PITPNM2: variants seen among roughly 807,000 people sequenced by gnomAD.
The protein encoded by PITPNM2 is phosphatidylinositol transfer protein membrane associated 2, also known as membrane-associated phosphatidylinositol transfer protein 2.
In PITPNM2, 35 loss-of-function variants were observed where a neutral mutation model predicts 132.2. The ratio of observed to expected loss-of-function variants is 0.26; its 90% CI spans 0.20 to 0.35. The LOEUF (loss-of-function observed/expected upper bound fraction) is 0.35. PITPNM2 is among the 10% of genes least tolerant of loss of function. The pLI, the probability that PITPNM2 is intolerant of heterozygous loss-of-function variation, is 1.00. For synonymous variants in PITPNM2, 738 were observed against 799.2 expected (o/e 0.92, Z 1.29); for missense variants, 1,332 against 1,912.0 (o/e 0.70, Z 5.66).
In PITPNM2 at chr12:123,131,198, A is replaced by T. The variant is rs547801319; in HGVS notation, c.-200+19555T>A. On this transcript the variant is annotated intron_variant, in intron 1 of 25. Coordinates refer to ENST00000320201, the MANE Select transcript of PITPNM2 (RefSeq NM_020845.3). Reference sequence around the variant, plus strand: ...ACTGCAGATGTCATTAGTTAAGGTGAGGTTGCACTGGAGTAGAGTGAGCCC... The same window carrying T: ...ACTGCAGATGTCATTAGTTAAGGTGTGGTTGCACTGGAGTAGAGTGAGCCC... Among the ~76,000 whole-genome samples, 403 of 152,312 alleles carry T rather than the reference A, an allele frequency of 2.6e-3. 5 individuals are homozygous for T. Among genetic ancestry groups the T allele is most frequent in the African/African-American group, 8.9e-3 (369 of 41,568 alleles).
At chr12:123,026,052 A>G (rs2039852962) in intron 3 of PITPNM2, among the ~76,000 whole-genome samples, 1 of 152,170 alleles carries the variant, frequency 6.6e-6, no homozygotes, top group Non-Finnish European at 1.5e-5. Flanking sequence ...CAAGGAAAAG[A>G]CCTCAGCATA....
At chr12:123,073,421 A>T (rs1024608843) in intron 2 of PITPNM2, among the ~76,000 whole-genome samples, 1 of 152,056 alleles carries the variant, frequency 6.6e-6, no homozygotes, top group African/African-American at 2.4e-5. Flanking sequence ...GTCTCTAACA[A>T]CAGCCTACCA....
chr12:123,127,372 T>C (rs2043160809), intron 1 of PITPNM2, among the ~76,000 whole-genome samples: 1 of 152,200 alleles, frequency 6.6e-6, no homozygotes, highest in Non-Finnish European at 1.5e-5. Flanking sequence ...GGCGTGTTGA[T>C]GCCCAAGCAA....
chr12:123,148,042 C>A (rs561557762), intron 1 of PITPNM2, among the ~76,000 whole-genome samples: 1 of 152,094 alleles, frequency 6.6e-6, no homozygotes, highest in Admixed American at 6.6e-5. Flanking sequence ...CTGTAAGAAG[C>A]CTTTAGAAAG....
intron 16 of PITPNM2, 128 bp from the exon 17 acceptor site, chr12:122,990,837 C>T: frequency 9.6e-7 from 1 of 1,037,102 alleles, no homozygotes; most frequent in Non-Finnish European, 1.4e-6. Flanking sequence ...TGTGCCAGAG[C>T]CACCTGCTCA....
chr12:122,988,507 C>T (rs945092764), intron 19 of PITPNM2, among the ~76,000 whole-genome samples, 157 bp from the exon 20 acceptor site: 13 of 152,138 alleles, frequency 8.5e-5, no homozygotes, highest in African/African-American at 2.9e-4. Context: ...CCTCAGACCC[C>T]TGTTCGTTCA....
intron 8 of PITPNM2, among the ~76,000 whole-genome samples, chr12:123,001,431 A>C (rs1326209455): frequency 6.6e-6 from 1 of 152,222 alleles, no homozygotes; most frequent in Non-Finnish European, 1.5e-5. Flanking sequence ...TCACCTCCCT[A>C]AATGGGAGCC....
rs115917771 is a variant in PITPNM2, at chr12:123,061,272, A to C, written c.-95-26587T>G. Among the ~76,000 whole-genome samples, 1,093 of 152,292 alleles carry C rather than the reference A, an allele frequency of 7.2e-3. 14 individuals carry two copies. Among genetic ancestry groups the C allele is most frequent in the African/African-American group, 0.024 (1,007 of 41,558 alleles). ...AAAGACCCTGCTAGTGGAATGGGGG[A>C]AGGGTAACAGGGCTCATGACAAGGC... is the stretch of plus-strand genomic sequence containing the variant. On this transcript the variant is annotated intron_variant, in intron 2 of 25. Transcript: ENST00000320201.
chr12:123,024,672 A>G (rs2039790801), intron 3 of PITPNM2, among the ~76,000 whole-genome samples: 1 of 152,224 alleles, frequency 6.6e-6, no homozygotes, highest in African/African-American at 2.4e-5. Context: ...GCCAGACACA[A>G]AAGGACACAT....
intron 3 of PITPNM2, among the ~76,000 whole-genome samples, chr12:123,033,992 G>C (rs1592961060): frequency 1.3e-5 from 2 of 152,272 alleles, no homozygotes; most frequent in South Asian, 4.1e-4. Context: ...AGGAGAAAAA[G>C]AAAAAGAGAA....
intron 6 of PITPNM2, among the ~76,000 whole-genome samples, chr12:123,006,489 C>A (rs2038938603): frequency 1.3e-5 from 2 of 151,228 alleles, no homozygotes; most frequent in South Asian, 4.2e-4. Context: ...TGGCTTGAGG[C>A]CAGGAGCTTC....
Position 123,097,465 on chromosome 12 carries a change from C to T in PITPNM2, c.-96+12920G>A, listed in dbSNP as rs1362590046. ...TTCCTCTCCTTGGCAGACCCTCCCT[C>T]GCTCCTCTACCCTCGACCCCACAGG... is the stretch of plus-strand genomic sequence containing the variant. On this transcript the variant is annotated intron_variant, in intron 2 of 25. Coordinates refer to ENST00000320201, the MANE Select transcript of PITPNM2 (RefSeq NM_020845.3). This position sits in a 1 kb window ranked among gnomAD's most constrained non-coding sequence, Gnocchi z 4.7. Among the ~76,000 whole-genome samples the T allele has an allele frequency of 6.6e-6, 1 of 152,188 alleles. No individual in the cohort carries two copies. The highest frequency in any genetic ancestry group is 1.5e-5 in the Non-Finnish European group (1 of 68,034).
intron 1 of PITPNM2, among the ~76,000 whole-genome samples, chr12:123,133,821 C>CAT (rs113390732): frequency 0.53 from 79,203 of 150,658 alleles, 24,773 homozygotes; most frequent in Non-Finnish European, 0.68. Flanking sequence ...CACAGACACA[C>CAT]ACACGCTCCT....
chr12:123,051,819 C>A (rs191098542), intron 2 of PITPNM2, among the ~76,000 whole-genome samples: 12 of 152,178 alleles, frequency 7.9e-5, no homozygotes, highest in Non-Finnish European at 1.5e-4. Flanking sequence ...TGAGTTAACA[C>A]CCATCTGCGA....
chr12:123,046,756 T>C (rs375124538), intron 2 of PITPNM2, among the ~76,000 whole-genome samples: 22 of 152,342 alleles, frequency 1.4e-4, no homozygotes, highest in South Asian at 1.2e-3. Context: ...TGTTGTAGCA[T>C]TGCGAGAACT....
intron 3 of PITPNM2, among the ~76,000 whole-genome samples, chr12:123,016,051 T>A (rs1228891495): frequency 1.3e-5 from 2 of 152,120 alleles, no homozygotes; most frequent in Non-Finnish European, 2.9e-5. Flanking sequence ...GAGGGCCAAG[T>A]GTGGTGGCTT....
At chr12:123,057,239 G>T (rs1293644954) in intron 2 of PITPNM2, among the ~76,000 whole-genome samples, 1 of 151,954 alleles carries the variant, frequency 6.6e-6, no homozygotes, top group Admixed American at 6.6e-5. Context: ...AATTAGCTAG[G>T]CATGGTGGCA....
At chr12:123,046,406 G>A (rs904585764) in intron 2 of PITPNM2, among the ~76,000 whole-genome samples, 6 of 152,080 alleles carry the variant, frequency 3.9e-5, no homozygotes, top group South Asian at 2.1e-4. Flanking sequence ...CAACTCCCCC[G>A]AGTTAGATGT....
intron 2 of PITPNM2, among the ~76,000 whole-genome samples, chr12:123,080,796 TG>T (rs1357861011): frequency 1.4e-4 from 22 of 152,322 alleles, no homozygotes; most frequent in African/African-American, 5.1e-4. Flanking sequence ...CTTCTTCAGC[TG>T]TGAATGGGGC....
Sources: gnomAD v4.1 joint callset for allele counts (sites outside exome capture counted in the v4.1 genomes callset) on GRCh38, gnomAD v4.1.1 for gene constraint, Gnocchi (gnomAD v3.1) non-coding constraint, MANE v1.5 for transcripts, NCBI Gene and HGNC (gene_info 2026-07-23, HGNC 2026-07-21) for gene names.